RABGAP1L: variants seen among roughly 807,000 people sequenced by gnomAD.
RABGAP1L encodes the protein rab GTPase-activating protein 1-like.
Under a neutral mutation model 137.7 loss-of-function variants are expected in RABGAP1L, and 63 were observed. The ratio of observed to expected loss-of-function variants is 0.46; its 90% CI spans 0.37 to 0.56. The LOEUF (loss-of-function observed/expected upper bound fraction) is 0.56. Ranked by LOEUF, RABGAP1L falls within the 20% of genes least tolerant of loss-of-function variation. RABGAP1L has a pLI of 0.00. For synonymous variants in RABGAP1L, 431 were observed against 433.7 expected, an observed-to-expected ratio of 0.99 and a Z score of 0.08; for missense variants, 1,095 against 1,244.0, an observed-to-expected ratio of 0.88 and a Z score of 1.80.
At chr1:174,976,293 G>T in intron 22 of RABGAP1L, 111 bp downstream of exon 22, 1 of 930,140 alleles carries the variant, frequency 1.1e-6, no homozygotes, top group Non-Finnish European at 1.6e-6. Flanking sequence ...TGATGTTAAA[G>T]CAGTAATGTA....
intron 19 of RABGAP1L, among the ~76,000 whole-genome samples, chr1:174,935,681 T>C (rs747439092): frequency 6.6e-6 from 1 of 151,900 alleles, no homozygotes; most frequent in Non-Finnish European, 1.5e-5. Context: ...CCAGTGAGGG[T>C]TGGTAAAGAA....
At chr1:174,808,849 G>T (rs936168457) in intron 18 of RABGAP1L, among the ~76,000 whole-genome samples, 1 of 151,892 alleles carries the variant, frequency 6.6e-6, no homozygotes, top group Non-Finnish European at 1.5e-5. Flanking sequence ...TAGAGATGGA[G>T]TTTCACCGTG....
chr1:174,551,186 G>A (rs1666521281), intron 13 of RABGAP1L, among the ~76,000 whole-genome samples: 1 of 150,032 alleles, frequency 6.7e-6, no homozygotes, highest in Non-Finnish European at 1.5e-5. Context: ...TCCAGCCTGG[G>A]CGACAGAGCA....
chr1:174,660,710 C>T (rs375583843), intron 14 of RABGAP1L, among the ~76,000 whole-genome samples: 4 of 152,350 alleles, frequency 2.6e-5, no homozygotes, highest in East Asian at 1.9e-4. Flanking sequence ...TGGCTGTTCT[C>T]TCTGCCTGGA....
At chr1:174,518,110 AT>A (rs987515324) in intron 13 of RABGAP1L, among the ~76,000 whole-genome samples, 16 of 152,246 alleles carry the variant, frequency 1.1e-4, no homozygotes, top group African/African-American at 3.4e-4. Flanking sequence ...GCATTAAAAA[AT>A]GAAAACCAGA....
intron 10 of RABGAP1L, among the ~76,000 whole-genome samples, chr1:174,280,048 G>GGAGAGA (rs59262212): frequency 0.054 from 6,755 of 125,142 alleles, 268 homozygotes; most frequent in Middle Eastern, 0.088. Flanking sequence ...CTGTCTGCCT[G>GGAGAGA]GAGAGAGAGA....
chr1:174,874,715 T>C (rs1035494832), intron 19 of RABGAP1L, among the ~76,000 whole-genome samples: 1 of 151,642 alleles, frequency 6.6e-6, no homozygotes, highest in African/African-American at 2.4e-5. Flanking sequence ...GACAGGACTG[T>C]GTACAATAGC....
At chr1:174,349,932 C>T (rs1205492428) in intron 11 of RABGAP1L, among the ~76,000 whole-genome samples, 3 of 139,130 alleles carry the variant, frequency 2.2e-5, no homozygotes, top group South Asian at 2.4e-4. Context: ...ACCTCCCTCC[C>T]GGACGGGGCG....
At chr1:174,839,016 T>C (rs986280711) in intron 19 of RABGAP1L, among the ~76,000 whole-genome samples, 8 of 115,928 alleles carry the variant, frequency 6.9e-5, no homozygotes, top group African/African-American at 2.6e-4. Context: ...AGCTAAGTCA[T>C]GAACTTTTTT....
chr1:174,698,907 G>A (rs1342301603), intron 15 of RABGAP1L, among the ~76,000 whole-genome samples: 1 of 152,078 alleles, frequency 6.6e-6, no homozygotes, highest in Non-Finnish European at 1.5e-5. Flanking sequence ...AGGTTGGGGG[G>A]TGTAGGTACC....
intron 10 of RABGAP1L, among the ~76,000 whole-genome samples, chr1:174,284,246 C>A (rs1461888212): frequency 6.6e-6 from 1 of 152,160 alleles, no homozygotes; most frequent in Non-Finnish European, 1.5e-5. Context: ...CAGCATCTCA[C>A]TTTTTCCCCC....
intron 13 of RABGAP1L, chr1:174,449,227 C>T (rs1655153040): frequency 6.6e-7 from 1 of 1,517,604 alleles, no homozygotes; most frequent in South Asian, 1.3e-5. Flanking sequence ...CAAATGTAAT[C>T]TGACAGTGGT....
intron 1 of RABGAP1L, among the ~76,000 whole-genome samples, chr1:174,169,279 GCA>G (rs1665154875): frequency 1.3e-5 from 2 of 152,122 alleles, no homozygotes; most frequent in Admixed American, 1.3e-4. Context: ...GAGTGCAGTG[GCA>G]TGATCTTGGC....
intron 13 of RABGAP1L, among the ~76,000 whole-genome samples, chr1:174,613,379 C>G (rs1351046954): frequency 6.6e-6 from 1 of 152,092 alleles, no homozygotes; most frequent in Non-Finnish European, 1.5e-5. Flanking sequence ...GAGTGAGTTT[C>G]TTAATCCTGA....
chr1:174,894,721 G>GT (rs1043720413), intron 19 of RABGAP1L, among the ~76,000 whole-genome samples: 1 of 145,008 alleles, frequency 6.9e-6, no homozygotes, highest in African/African-American at 2.8e-5. Flanking sequence ...ACCAAGTTGG[G>GT]TTTTTTGTTG....
At chr1:174,469,768 G>T (rs748819900) in intron 13 of RABGAP1L, among the ~76,000 whole-genome samples, 3 of 152,058 alleles carry the variant, frequency 2.0e-5, no homozygotes, top group Non-Finnish European at 2.9e-5. Flanking sequence ...AACAAAACAA[G>T]AACATCAAAA....
intron 19 of RABGAP1L, among the ~76,000 whole-genome samples, chr1:174,900,053 G>C (rs547830816): frequency 6.6e-6 from 1 of 152,150 alleles, no homozygotes; most frequent in Non-Finnish European, 1.5e-5. Flanking sequence ...ACTCAATTTG[G>C]GAAAAACAAA....
intron 13 of RABGAP1L, among the ~76,000 whole-genome samples, chr1:174,550,983 C>CATATATATATATACACGTATATATAT (rs1666455309): frequency 1.2e-5 from 1 of 83,426 alleles, no homozygotes; most frequent in African/African-American, 9.8e-5. Context: ...TGTATATATA[C>CATATATATATATACACGTATATATAT]ATATATATAT....
At chr1:174,745,187 C>T (rs1362417983) in intron 17 of RABGAP1L, among the ~76,000 whole-genome samples, 1 of 152,140 alleles carries the variant, frequency 6.6e-6, no homozygotes, top group Non-Finnish European at 1.5e-5. Flanking sequence ...TCTGGTTCTC[C>T]AGGCCTTCTT....
Sources: allele counts gnomAD v4.1 joint callset (sites outside exome capture counted in the v4.1 genomes callset), GRCh38; gene constraint gnomAD v4.1.1; transcripts MANE v1.5; gene names NCBI Gene and HGNC (gene_info 2026-07-23, HGNC 2026-07-21).